ATXN1: variants seen among roughly 807,000 people sequenced by gnomAD.
ATXN1 encodes the protein ataxin-1.
A neutral mutation model predicts 56.4 loss-of-function variants in ATXN1; 8 were observed. The ratio of observed to expected loss-of-function variants is 0.14; its 90% CI spans 0.08 to 0.26. The LOEUF (loss-of-function observed/expected upper bound fraction) is 0.26, where lower values mean the gene tolerates loss of function less well. Ranked by LOEUF, ATXN1 falls within the 10% of genes least tolerant of loss-of-function variation. The pLI is 1.00. For synonymous variants in ATXN1, 514 were observed against 494.6 expected, an observed-to-expected ratio of 1.04 and a Z score of -0.52; for missense variants, 987 against 1,106.5, an observed-to-expected ratio of 0.89 and a Z score of 1.53.
At chr6:16,339,756 G>A (rs1761203276) in intron 6 of ATXN1, among the ~76,000 whole-genome samples, 1 of 152,206 alleles carries the variant, frequency 6.6e-6, no homozygotes, top group Admixed American at 6.5e-5. Flanking sequence ...TTCTTGGGTT[G>A]TGTAGTGGGT....
At chr6:16,446,886 G>T (rs1478078447) in intron 6 of ATXN1, among the ~76,000 whole-genome samples, 1 of 152,176 alleles carries the variant, frequency 6.6e-6, no homozygotes, top group African/African-American at 2.4e-5. Context: ...TGAAGCTACA[G>T]AAATGTGCCT....
chr6:16,349,300 C>T (rs1761517417), intron 6 of ATXN1, among the ~76,000 whole-genome samples: 2 of 151,950 alleles, frequency 1.3e-5, no homozygotes. Context: ...ATGAAGAGAT[C>T]GAGACCATCC....
At chr6:16,359,818 A>G (rs6914509) in intron 6 of ATXN1, among the ~76,000 whole-genome samples, 13,194 of 152,172 alleles carry the variant, frequency 0.087, 1,902 homozygotes, top group African/African-American at 0.3. Context: ...TTGACACCCC[A>G]GAGATCCTAT....
At chr6:16,749,090 T>C (rs745625660) in intron 2 of ATXN1, among the ~76,000 whole-genome samples, 2 of 152,172 alleles carry the variant, frequency 1.3e-5, no homozygotes, top group Non-Finnish European at 2.9e-5. Context: ...ATATACAGTA[T>C]ACACGCACGC....
intron 4 of ATXN1, among the ~76,000 whole-genome samples, chr6:16,531,162 T>C (rs1323688803): frequency 6.6e-6 from 1 of 152,138 alleles, no homozygotes; most frequent in Non-Finnish European, 1.5e-5. Flanking sequence ...CAGGAAACCA[T>C]CTTTAGGGTG....
chr6:16,482,257 C>T (rs1232755828), intron 6 of ATXN1, among the ~76,000 whole-genome samples: 1 of 152,062 alleles, frequency 6.6e-6, no homozygotes, highest in Non-Finnish European at 1.5e-5. Context: ...TTACTGACTG[C>T]CCATTATGGG....
intron 6 of ATXN1, among the ~76,000 whole-genome samples, chr6:16,388,602 G>A (rs894220543): frequency 1.1e-4 from 16 of 152,222 alleles, no homozygotes; most frequent in African/African-American, 3.9e-4. Context: ...AACTTCACAT[G>A]TGATTTCTAT....
intron 6 of ATXN1, among the ~76,000 whole-genome samples, chr6:16,482,903 C>T (rs1561719364): frequency 6.6e-6 from 1 of 152,146 alleles, no homozygotes; most frequent in Admixed American, 6.5e-5. Context: ...AATAAACGTT[C>T]AATTGGCCTC....
chr6:16,555,266 G>C (rs779465426), intron 4 of ATXN1, among the ~76,000 whole-genome samples: 6 of 152,024 alleles, frequency 3.9e-5, no homozygotes, highest in Non-Finnish European at 5.9e-5. Context: ...CACTGCCTGA[G>C]CAACTGCTCT....
At chr6:16,686,477 G>A (rs1163439757) in intron 2 of ATXN1, among the ~76,000 whole-genome samples, 1 of 143,464 alleles carries the variant, frequency 7.0e-6, no homozygotes, top group Non-Finnish European at 1.5e-5. Context: ...TCACCTCATA[G>A]TGGTCCACCT....
At chr6:16,536,283 C>A (rs1761595423) in intron 4 of ATXN1, among the ~76,000 whole-genome samples, 1 of 151,936 alleles carries the variant, frequency 6.6e-6, no homozygotes, top group Non-Finnish European at 1.5e-5. Context: ...GAACTAAAGC[C>A]AATATTTTAT....
intron 6 of ATXN1, among the ~76,000 whole-genome samples, chr6:16,377,630 C>A (rs1207881381): frequency 6.6e-6 from 1 of 152,062 alleles, no homozygotes; most frequent in Admixed American, 6.5e-5. Flanking sequence ...CTGAATGGTG[C>A]TCTAAGAGCA....
At chr6:16,360,300 A>G (rs562510918) in intron 6 of ATXN1, among the ~76,000 whole-genome samples, 28 of 152,236 alleles carry the variant, frequency 1.8e-4, no homozygotes, top group Non-Finnish European at 3.5e-4. Flanking sequence ...ACAGCTCTAT[A>G]GTCCTATTTT....
intron 7 of ATXN1, among the ~76,000 whole-genome samples, chr6:16,311,469 G>A (rs1255644941): frequency 6.6e-6 from 1 of 152,186 alleles, no homozygotes; most frequent in Non-Finnish European, 1.5e-5. Context: ...CCAAAGGCAT[G>A]AGCTCATGGG....
At position 16,567,587 on chromosome 6, in the gene ATXN1, C is replaced by T. The variant is rs370307771; in HGVS notation, c.-361+18193G>A. Among the ~76,000 whole-genome samples, 103 of 152,320 alleles carry T rather than the reference C, an allele frequency of 6.8e-4. 4 individuals carry two copies. In the South Asian group the frequency reaches 0.021, roughly 31 times the overall value. ...ATAGTCCTAGGCATTCTATTTCTAC[C>T]TCCTAACAGAACAGCATCAGCAACA... On this transcript the variant is annotated intron_variant, in intron 4 of 7. Coordinates refer to ENST00000436367, the MANE Select transcript of ATXN1 (RefSeq NM_001128164.2).
chr6:16,466,359 T>C (rs992621246), intron 6 of ATXN1, among the ~76,000 whole-genome samples: 4 of 122,136 alleles, frequency 3.3e-5, no homozygotes, highest in African/African-American at 9.6e-5. Context: ...AAGGCCTAAA[T>C]GTCAGGAGGG....
At position 16,302,441 on chromosome 6, in the gene ATXN1, A is replaced by T. The variant is rs906739985; in HGVS notation, c.*3888T>A. ...TAGGGAAAACGAAAAGTTGACCAACATAGAAAATTATCCTGAAAGTCCAAA... is the reference window on the plus strand; with the variant it reads ...TAGGGAAAACGAAAAGTTGACCAACTTAGAAAATTATCCTGAAAGTCCAAA... On this transcript the variant is annotated 3_prime_UTR_variant, in exon 8 of 8. Transcript: ENST00000436367. 1.3e-5 allele frequency: 2 copies of T among 152,680 alleles called. No homozygotes were observed. The highest frequency in any genetic ancestry group is 6.5e-5 in the Admixed American group (1 of 15,290). The allele number at this position is 152,680 out of a possible 1,614,324, so 9.5% of individuals were successfully genotyped here.
intron 6 of ATXN1, among the ~76,000 whole-genome samples, chr6:16,329,397 TAC>T (rs1001208899): frequency 1.3e-5 from 2 of 151,684 alleles, no homozygotes; most frequent in African/African-American, 4.8e-5. Context: ...CTCTCCCTAA[TAC>T]ACACACACAC....
chr6:16,547,535 G>C (rs1201886656), intron 4 of ATXN1, among the ~76,000 whole-genome samples: 2 of 152,154 alleles, frequency 1.3e-5, no homozygotes, highest in Non-Finnish European at 2.9e-5. Flanking sequence ...CAGTACCACA[G>C]ACTGGGGGGC....
Sources: allele counts gnomAD v4.1 joint callset (sites outside exome capture counted in the v4.1 genomes callset), GRCh38; gene constraint gnomAD v4.1.1; transcripts MANE v1.5; gene names NCBI Gene and HGNC (gene_info 2026-07-23, HGNC 2026-07-21).